RASEF: variants seen among roughly 807,000 people sequenced by gnomAD.
The protein encoded by RASEF is RAS and EF-hand domain containing.
Under a neutral mutation model 90.1 loss-of-function variants are expected in RASEF, and 68 were observed. That is an observed-to-expected ratio of 0.75 (90% CI 0.62 to 0.92). RASEF has a LOEUF of 0.92. RASEF is among the 40% of genes least tolerant of loss of function. RASEF has a pLI of 0.00. For synonymous variants in RASEF, 331 were observed against 345.2 expected (o/e 0.96, Z 0.46); for missense variants, 949 against 937.2 (o/e 1.01, Z -0.16).
At chr9:83,063,749 C>T (rs187209636), upstream of RASEF, among the ~76,000 whole-genome samples, 2,108 of 152,082 alleles carry the variant, frequency 0.014, 39 homozygotes, top group African/African-American at 0.048. Flanking sequence ...GGTTTTTTTA[C>T]TTAAACAAAC....
chr9:83,082,159 A>G, the RASEF span, among the ~76,000 whole-genome samples: 1 of 152,206 alleles, frequency 6.6e-6, no homozygotes, highest in Non-Finnish European at 1.5e-5. Context: ...CCAGGACGGA[A>G]AAAACGATCC....
chr9:83,007,140 G>C (rs1269542430), intron 7 of RASEF, among the ~76,000 whole-genome samples: 1 of 150,692 alleles, frequency 6.6e-6, no homozygotes, highest in East Asian at 1.9e-4. Context: ...AGAAAGCTGA[G>C]TGCTCAGGGC....
chr9:82,993,094 C>A, intron 14 of RASEF, 69 bp from the exon 15 acceptor site: 1 of 1,512,440 alleles, frequency 6.6e-7, no homozygotes, highest in Non-Finnish European at 9.0e-7. Flanking sequence ...CACAGAACAA[C>A]AGCAACAGCA....
intron 12 of RASEF, among the ~76,000 whole-genome samples, chr9:82,999,231 A>G (rs1394588448): frequency 6.6e-6 from 1 of 152,138 alleles, no homozygotes; most frequent in Non-Finnish European, 1.5e-5. Context: ...GGAAATCAGG[A>G]TACTACTTGT....
chr9:82,981,305 G>A lies in RASEF; in HGVS notation c.*1372C>T, dbSNP rs568853733. 1 of 152,296 alleles carries A rather than the reference G, an allele frequency of 6.6e-6. No individual in the cohort carries two copies. Among genetic ancestry groups the A allele is most frequent in the South Asian group, 2.1e-4 (1 of 4,830 alleles). 9.4% of individuals were successfully genotyped at this position (152,296 alleles called of 1,614,324 possible). The stretch of plus-strand genomic sequence containing the variant: ...TGGGAAGCAATGCAGGTTCTGGAAG[G>A]AGAGTAGGCCCAACCAGGTCACTGG... On this transcript the variant is annotated 3_prime_UTR_variant, in exon 17 of 17. Transcript: ENST00000376447.
the RASEF span, among the ~76,000 whole-genome samples, chr9:83,070,357 TC>T: frequency 1.3e-5 from 2 of 152,170 alleles, no homozygotes; most frequent in African/African-American, 4.8e-5. Context: ...ATTCAGTTCT[TC>T]CAGTGTTATT....
chr9:83,208,732 T>C, the RASEF span, among the ~76,000 whole-genome samples: 2 of 152,076 alleles, frequency 1.3e-5, no homozygotes, highest in African/African-American at 4.8e-5. Flanking sequence ...AATTTGAAAA[T>C]TCCAAAGACA....
chr9:83,161,087 T>C, the RASEF span, among the ~76,000 whole-genome samples: 2 of 152,016 alleles, frequency 1.3e-5, no homozygotes, highest in African/African-American at 2.4e-5. Flanking sequence ...AGAAGGGAAA[T>C]GTGGGGTCTG....
rs577656344 is a variant in RASEF at position 83,012,088 on chromosome 9, A to T, written c.843+346T>A. On this transcript the variant is annotated intron_variant, in intron 5 of 16. Transcript: ENST00000376447. ...AGATGGAAAAGCGACAGAAAAAAAA[A>T]AAACTTGGAGGAAGGGGCAAGGCAC... Among the ~76,000 whole-genome samples, 24 of 152,326 alleles carry T rather than the reference A, an allele frequency of 1.6e-4. No individual in the cohort carries two copies. The East Asian group carries it at 2.5e-3, about 16-fold the overall frequency.
At chr9:83,084,271 C>T in the RASEF span, among the ~76,000 whole-genome samples, 3 of 152,206 alleles carry the variant, frequency 2.0e-5, no homozygotes, top group South Asian at 6.2e-4. Flanking sequence ...AATTAGTAAT[C>T]AGCACACTTT....
chr9:83,067,577 T>C (rs1830292239), upstream of RASEF, among the ~76,000 whole-genome samples: 1 of 152,226 alleles, frequency 6.6e-6, no homozygotes, highest in Non-Finnish European at 1.5e-5. Context: ...CTATAATTAA[T>C]GTATAGCATT....
the RASEF span, among the ~76,000 whole-genome samples, chr9:83,179,612 C>T: frequency 5.9e-5 from 9 of 152,142 alleles, no homozygotes; most frequent in Admixed American, 4.6e-4. Flanking sequence ...CATATCCTAT[C>T]GACCACAGTG....
At chr9:82,989,277 C>T (rs970469520) in intron 16 of RASEF, among the ~76,000 whole-genome samples, 5 of 152,008 alleles carry the variant, frequency 3.3e-5, no homozygotes, top group African/African-American at 1.2e-4. Context: ...CAAGGTCTCA[C>T]TATGTTGCCC....
chr9:83,185,877 C>A, the RASEF span, among the ~76,000 whole-genome samples: 3 of 152,194 alleles, frequency 2.0e-5, no homozygotes, highest in East Asian at 5.8e-4. Context: ...CTGCAGCAAC[C>A]CCGAGATTCC....
intron 16 of RASEF, among the ~76,000 whole-genome samples, chr9:82,989,447 C>T (rs1351197085): frequency 6.6e-6 from 1 of 152,146 alleles, no homozygotes; most frequent in African/African-American, 2.4e-5. Flanking sequence ...CTTCCTGGAT[C>T]CAGCAGCCTC....
chr9:83,028,033 A>G (rs149175400), intron 1 of RASEF, among the ~76,000 whole-genome samples: 37 of 152,328 alleles, frequency 2.4e-4, no homozygotes, highest in African/African-American at 7.9e-4. Context: ...AGCAAAGAAC[A>G]TTTATACCAG....
intron 1 of RASEF, among the ~76,000 whole-genome samples, chr9:83,038,845 A>G (rs115808390): frequency 8.5e-5 from 13 of 152,280 alleles, no homozygotes; most frequent in African/African-American, 2.9e-4. Flanking sequence ...TAGGGAATCA[A>G]TTCTATGGCC....
At chr9:83,119,987 G>A in the RASEF span, among the ~76,000 whole-genome samples, 5 of 152,184 alleles carry the variant, frequency 3.3e-5, no homozygotes, top group African/African-American at 7.2e-5. Context: ...AGAAGAACGC[G>A]TGCTTGTAAT....
chr9:83,082,457 C>T, the RASEF span, among the ~76,000 whole-genome samples: 4 of 152,106 alleles, frequency 2.6e-5, no homozygotes, highest in Admixed American at 6.5e-5. Context: ...CTGGTTTTAT[C>T]GTTTGCACCA....
Sources: allele counts gnomAD v4.1 joint callset (sites outside exome capture counted in the v4.1 genomes callset), GRCh38; gene constraint gnomAD v4.1.1; transcripts MANE v1.5; gene names NCBI Gene and HGNC (gene_info 2026-07-23, HGNC 2026-07-21).